The following ERGIC3 variants were observed in gnomAD, a reference collection of about 807,000 sequenced individuals.
ERGIC3 encodes ERGIC and golgi 3, also known as endoplasmic reticulum-Golgi intermediate compartment protein 3.
Under a neutral mutation model 54.7 loss-of-function variants are expected in ERGIC3, and 33 were observed. That is an observed-to-expected ratio of 0.60 (90% CI 0.46 to 0.81). The LOEUF is 0.81. ERGIC3 is among the 30% of genes least tolerant of loss of function. The pLI, the probability that ERGIC3 is intolerant of heterozygous loss-of-function variation, is 0.00. For synonymous variants in ERGIC3, 186 were observed against 189.8 expected (o/e 0.98, Z 0.16); for missense variants, 399 against 488.4 (o/e 0.82, Z 1.73).
chr20:35,548,448 C>T (rs2064662886), intron 5 of ERGIC3, 61 bp from the exon 6 acceptor site: 1 of 1,569,282 alleles, frequency 6.4e-7, no homozygotes, highest in Non-Finnish European at 8.7e-7. Flanking sequence ...TCTATTTCCC[C>T]AGATGCCAGC....
Position 35,544,060 on chromosome 20 carries a change from A to ATCTG in ERGIC3, c.367+1123_367+1126dup, listed in dbSNP as rs1555865325. The ATCTG allele has an allele frequency of 8.8e-5, 15 of 171,232 alleles. No homozygotes were observed. The East Asian group carries it at 1.4e-3, about 16-fold the overall frequency. 10.6% of individuals were successfully genotyped at this position (171,232 alleles called of 1,614,324 possible). On this transcript the variant is annotated intron_variant, in intron 4 of 12. Transcript: ENST00000348547. ...TATCTATCTATCTATCTATCTATCT[A>ATCTG]TCTGTCTATCTTGAGACAGAGTCTC...
At chr20:35,553,031 T>TTTTTTTTTTTTTTG in intron 7 of ERGIC3, among the ~76,000 whole-genome samples, 1 of 122,284 alleles carries the variant, frequency 8.2e-6, no homozygotes, top group Non-Finnish European at 1.7e-5. Context: ...TTTTTTTTTT[T>TTTTTTTTTTTTTTG]TTTTTTTTTT....
At chr20:35,553,641 G>A (rs921974428) in intron 7 of ERGIC3, among the ~76,000 whole-genome samples, 2 of 152,018 alleles carry the variant, frequency 1.3e-5, no homozygotes, top group African/African-American at 2.4e-5. Context: ...AGGGCAATCT[G>A]TGGGGGTGGG....
At chr20:35,544,012 T>C in intron 4 of ERGIC3, 1 of 263,014 alleles carries the variant, frequency 3.8e-6, no homozygotes, top group South Asian at 4.2e-5. Flanking sequence ...CTGAAGAATC[T>C]ACTATCTATC....
At chr20:35,543,123 A>G in intron 4 of ERGIC3, 182 bp downstream of exon 4, 3 of 704,302 alleles carry the variant, frequency 4.3e-6, no homozygotes, top group Non-Finnish European at 6.9e-6. Flanking sequence ...TCCTCTATAC[A>G]TATCGAGTCA....
chr20:35,543,068 C>G (rs566281778), intron 4 of ERGIC3, 127 bp downstream of exon 4: 16 of 1,421,040 alleles, frequency 1.1e-5, no homozygotes, highest in African/African-American at 8.4e-5. Flanking sequence ...AGTCAAGTGA[C>G]TTGCCTAGGG....
chr20:35,546,802 A>C (rs1387383072), intron 4 of ERGIC3, among the ~76,000 whole-genome samples: 1 of 152,190 alleles, frequency 6.6e-6, no homozygotes, highest in Non-Finnish European at 1.5e-5. Context: ...TGAATTTTGG[A>C]AGATTTGCAG....
In ERGIC3 at chr20:35,542,836, G is replaced by A. The variant is rs376429311; in HGVS notation, c.262G>A (p.Ala88Thr). The A allele has an allele frequency of 5.0e-6, 8 of 1,614,044 alleles. No individual in the cohort carries two copies. Among genetic ancestry groups the A allele is most frequent in the Non-Finnish European group, 6.8e-6 (8 of 1,180,016 alleles). Residue 88 changes from alanine to threonine, a missense_variant, in exon 4 of 13, where the codon GCC (alanine) becomes ACC (threonine). Transcript: ENST00000348547. ...CCTGCTTCCAGATCTGAGTATTGAT[G>A]CCATGGATGTGGCCGGAGAACAGCA... Reference protein sequence around the residue: ...HMPCAYLSIDAMDVAGEQQLD... With the variant: ...HMPCAYLSIDTMDVAGEQQLD...
intron 7 of ERGIC3, among the ~76,000 whole-genome samples, chr20:35,552,826 C>T (rs906025561): frequency 7.9e-5 from 12 of 151,890 alleles, no homozygotes; most frequent in African/African-American, 1.7e-4. Context: ...CTGGGAGGCC[C>T]GGGTACTGGA....
rs1367508020 is a variant in ERGIC3, at chr20:35,543,024, C to T, written c.367+83C>T. ...CTGCTAGCAAGTGAACTGTGGCAGGCATAGTGATACATTAAACAACTAAGA... is the reference window on the plus strand; with the variant it reads ...CTGCTAGCAAGTGAACTGTGGCAGGTATAGTGATACATTAAACAACTAAGA... On this transcript the variant is annotated intron_variant, in intron 4 of 12. Transcript: ENST00000348547. 2.5e-6 allele frequency: 4 copies of T among 1,587,128 alleles called. No individual in the cohort carries two copies. The East Asian group carries it at 6.8e-5, about 27-fold the overall frequency.
At chr20:35,555,400 C>T (rs1392234009) in intron 8 of ERGIC3, among the ~76,000 whole-genome samples, 1 of 152,176 alleles carries the variant, frequency 6.6e-6, no homozygotes, top group Non-Finnish European at 1.5e-5. Flanking sequence ...GACCAGACCA[C>T]ACCGGACTCA....
intron 4 of ERGIC3, chr20:35,544,055 T>C (rs1454989205): frequency 9.0e-6 from 2 of 222,468 alleles, no homozygotes; most frequent in Non-Finnish European, 1.8e-5. Context: ...TCTATCTATC[T>C]ATCTATCTGT....
chr20:35,550,755 C>G (rs1239745536), intron 7 of ERGIC3, among the ~76,000 whole-genome samples: 2 of 152,136 alleles, frequency 1.3e-5, no homozygotes, highest in African/African-American at 4.8e-5. Context: ...CATGATCTGA[C>G]TTAAAAGCTC....
rs909405653 is a variant in ERGIC3 at position 35,542,094 on chromosome 20, C to A, written c.-4C>A. The A allele has an allele frequency of 2.7e-5, 41 of 1,534,110 alleles. No homozygotes were observed. The highest frequency in any genetic ancestry group is 3.3e-5 in the Non-Finnish European group (38 of 1,142,278). ...GGCTGGCGTCCCCTTTCCGGCCGGT[C>A]CCCATGGAGGCGCTGGGGAAGCTGA... On this transcript the variant is annotated 5_prime_UTR_variant, in exon 1 of 13. Coordinates refer to ENST00000348547, the MANE Select transcript of ERGIC3 (RefSeq NM_015966.3).
In ERGIC3 at chr20:35,542,877, C is replaced by T. The variant is rs1406069020; in HGVS notation, c.303C>T (p.His101=). Residue 101 remains histidine, a synonymous_variant, in exon 4 of 13, where the codon CAC becomes CAT. Coordinates refer to ENST00000348547, the MANE Select transcript of ERGIC3 (RefSeq NM_015966.3). ...VAGEQQLDVE[H]NLFKQRLDKD... ...GAGAACAGCAGCTGGATGTGGAACA[C>T]AACCTGTTCAAGCAACGACTAGATA... 1 of 1,614,106 alleles carries T rather than the reference C, an allele frequency of 6.2e-7. No individual in the cohort carries two copies. The highest frequency in any genetic ancestry group is 1.1e-5 in the South Asian group (1 of 91,082).
rs756873650 is a variant in ERGIC3, at chr20:35,542,787, G to T, written c.248-35G>T. 6.4e-5 allele frequency: 104 copies of T among 1,613,982 alleles called. No homozygotes were observed. In the Middle Eastern group the frequency reaches 6.6e-4, roughly 10 times the overall value. Reference sequence around the variant, plus strand: ...AAACCCACATCCCCTTGTCCCTAGGGTCCCAGTACCTTAGCCTGATTTTCC... The same window carrying T: ...AAACCCACATCCCCTTGTCCCTAGGTTCCCAGTACCTTAGCCTGATTTTCC... On this transcript the variant is annotated intron_variant, in intron 3 of 12. Coordinates refer to ENST00000348547, the MANE Select transcript of ERGIC3 (RefSeq NM_015966.3).
At position 35,542,173 on chromosome 20, in the gene ERGIC3, G is replaced by T. The variant is rs1187497139; in HGVS notation, c.76G>T (p.Gly26Trp). 2 of 1,579,068 alleles carry T rather than the reference G, an allele frequency of 1.3e-6. No homozygotes were observed. Among genetic ancestry groups the T allele is most frequent in the East Asian group, 2.2e-5 (1 of 44,596 alleles). Residue 26 changes from glycine to tryptophan, a missense_variant, in exon 1 of 13, where the codon GGG (glycine) becomes TGG (tryptophan). Physicochemically the swap from Gly to Trp is radical, Grantham distance 184. Transcript: ENST00000348547. ...GGAGGACTTCCGGGTCAAGACCTGC[G>T]GGGGCGCCACCGGTAGGCCGCAGCG... Reference protein sequence around the residue: ...TLEDFRVKTCGGATVTIVSGL... With the variant: ...TLEDFRVKTCWGATVTIVSGL...
chr20:35,554,287 C>G, intron 7 of ERGIC3: 1 of 1,534,918 alleles, frequency 6.5e-7, no homozygotes, highest in East Asian at 2.2e-5. Flanking sequence ...TTCCAGTCTT[C>G]CCTCCTGCAA....
chr20:35,546,583 G>A (rs1211585414), intron 4 of ERGIC3, among the ~76,000 whole-genome samples: 1 of 152,206 alleles, frequency 6.6e-6, no homozygotes, highest in Non-Finnish European at 1.5e-5. Flanking sequence ...GAACCAGGGT[G>A]TGGGTTTTGC....
Sources: allele counts gnomAD v4.1 joint callset (sites outside exome capture counted in the v4.1 genomes callset), GRCh38; gene constraint gnomAD v4.1.1; transcripts MANE v1.5; gene names NCBI Gene and HGNC (gene_info 2026-07-23, HGNC 2026-07-21).